The following OSBPL3 variants were observed in gnomAD, a reference collection of about 807,000 sequenced individuals.
The protein encoded by OSBPL3 is oxysterol-binding protein-related protein 3.
Under a neutral mutation model 120.1 loss-of-function variants are expected in OSBPL3, and 65 were observed. The observed-to-expected ratio is 0.54, with a 90% CI of 0.44 to 0.67. The LOEUF (loss-of-function observed/expected upper bound fraction) is 0.67. Among genes scored for constraint, OSBPL3 ranks in the 30% least tolerant of loss-of-function variants. The pLI, the probability that OSBPL3 is intolerant of heterozygous loss-of-function variation, is 0.00. For synonymous variants in OSBPL3, 416 were observed against 402.6 expected (o/e 1.03, Z -0.40); for missense variants, 1,004 against 1,082.1 (o/e 0.93, Z 1.01).
intron 12 of OSBPL3, among the ~76,000 whole-genome samples, chr7:24,846,940 G>A (rs559332590): frequency 9.2e-5 from 14 of 152,134 alleles, no homozygotes; most frequent in African/African-American, 2.9e-4. Flanking sequence ...GCAGGCGCCT[G>A]TAGCCCCAGC....
intron 1 of OSBPL3, among the ~76,000 whole-genome samples, chr7:24,941,242 C>A (rs1438111300): frequency 5.3e-5 from 8 of 152,174 alleles, no homozygotes; most frequent in Non-Finnish European, 2.9e-5. Flanking sequence ...TTCCAGTCTA[C>A]TATCAGATAA....
intron 1 of OSBPL3, among the ~76,000 whole-genome samples, chr7:24,924,148 C>T (rs1027799222): frequency 3.9e-5 from 6 of 152,096 alleles, no homozygotes; most frequent in Non-Finnish European, 5.9e-5. Flanking sequence ...GACCAAAATA[C>T]GTTTACTTCA....
At chr7:24,864,902 G>A (rs1381725173) in intron 7 of OSBPL3, among the ~76,000 whole-genome samples, 1 of 152,118 alleles carries the variant, frequency 6.6e-6, no homozygotes, top group Non-Finnish European at 1.5e-5. Flanking sequence ...CAGAGGACTG[G>A]GAATGGGTAT....
chr7:24,886,597 C>T (rs1021694667), intron 2 of OSBPL3, among the ~76,000 whole-genome samples: 1 of 152,066 alleles, frequency 6.6e-6, no homozygotes, highest in Non-Finnish European at 1.5e-5. Flanking sequence ...TTCAGTCCGA[C>T]GATTTGTATC....
Position 24,862,107 on chromosome 7 carries a change from C to T in OSBPL3, c.871-338G>A, listed in dbSNP as rs986864030. On this transcript the variant is annotated intron_variant, in intron 9 of 22. Transcript: ENST00000313367. This position sits in a 1 kb window ranked among gnomAD's most constrained non-coding sequence, Gnocchi z 4.4. ...TTCACCGTGTTAGCCAGGATGGTCT[C>T]GATCTCCTGACCTTGTGTTCTGCCC... 2.0e-5 allele frequency among the ~76,000 whole-genome samples: 3 copies of T among 152,132 alleles called. No individual in the cohort carries two copies. The highest frequency in any genetic ancestry group is 1.5e-5 in the Non-Finnish European group (1 of 68,006).
At position 24,802,350 on chromosome 7, in the gene OSBPL3, C is replaced by G. The variant is rs993816524; in HGVS notation, c.2567+1965G>C. Among the ~76,000 whole-genome samples the G allele has an allele frequency of 6.6e-6, 1 of 152,298 alleles. No homozygotes were observed. Among genetic ancestry groups the G allele is most frequent in the East Asian group, 1.9e-4 (1 of 5,180 alleles). On this transcript the variant is annotated intron_variant, in intron 22 of 22. Coordinates refer to ENST00000313367, the MANE Select transcript of OSBPL3 (RefSeq NM_015550.4). This position sits in a 1 kb window ranked among gnomAD's most constrained non-coding sequence, Gnocchi z 4.1. ...TTGCCAGGTTTCTAATTTGAACAGT[C>G]CCAAGGAGGACTGCTACTGCTGAAC...
chr7:24,818,697 C>G lies in OSBPL3; in HGVS notation c.1948+1478G>C, dbSNP rs913629097. Among the ~76,000 whole-genome samples, 1 of 152,136 alleles carries G rather than the reference C, an allele frequency of 6.6e-6. No individual in the cohort carries two copies. Among genetic ancestry groups the G allele is most frequent in the African/African-American group, 2.4e-5 (1 of 41,440 alleles). ...GATGTGACAAACAGAAAAGAAACAT[C>G]ATGAGGGCAGATTTAAGCCCAGCTA... On this transcript the variant is annotated intron_variant, in intron 17 of 22. Transcript: ENST00000313367. This position sits in a 1 kb window ranked among gnomAD's most constrained non-coding sequence, Gnocchi z 4.0.
chr7:24,814,802 G>T (rs1375356091), intron 19 of OSBPL3, among the ~76,000 whole-genome samples: 1 of 152,192 alleles, frequency 6.6e-6, no homozygotes, highest in African/African-American at 2.4e-5. Context: ...CATACATACT[G>T]CAGCACAGTG....
rs910083951 is a variant in OSBPL3, at chr7:24,830,713, T to A, written c.1884+55A>T. On this transcript the variant is annotated intron_variant, in intron 16 of 22. Coordinates refer to ENST00000313367, the MANE Select transcript of OSBPL3 (RefSeq NM_015550.4). The surrounding 1 kb of genome is among the most constrained non-coding windows in gnomAD (Gnocchi z 4.4). The stretch of plus-strand genomic sequence containing the variant: ...GAAGATAAATATTTCAGAAGCACAT[T>A]TAATGGGAGACATAAGCAACCCCTC... 6 of 1,525,136 alleles carry A rather than the reference T, an allele frequency of 3.9e-6. No homozygotes were observed. The Admixed American group carries it at 8.3e-5, about 21-fold the overall frequency. 94.5% of individuals were successfully genotyped at this position (1,525,136 alleles called of 1,614,324 possible).
In OSBPL3 at chr7:24,960,966, C is replaced by T. The variant is rs147130200; in HGVS notation, c.-150+18920G>A. On this transcript the variant is annotated intron_variant, in intron 1 of 22. Coordinates refer to ENST00000313367, the MANE Select transcript of OSBPL3 (RefSeq NM_015550.4). ...AATAAGCAGTGAAATTTGCAAAAGGCAGGTAGCAACAAGGAAAACCAGCAA... is the reference window on the plus strand; with the variant it reads ...AATAAGCAGTGAAATTTGCAAAAGGTAGGTAGCAACAAGGAAAACCAGCAA... 1.4e-4 allele frequency among the ~76,000 whole-genome samples: 21 copies of T among 152,240 alleles called. No individual in the cohort carries two copies. In the East Asian group the frequency reaches 3.9e-3, roughly 28 times the overall value.
At chr7:24,970,393 A>T (rs1402031753) in intron 1 of OSBPL3, among the ~76,000 whole-genome samples, 1 of 152,196 alleles carries the variant, frequency 6.6e-6, no homozygotes, top group Non-Finnish European at 1.5e-5. Context: ...GGCGTGAGCC[A>T]TCGCACTCAG....
At chr7:24,927,306 C>T (rs1811183423) in intron 1 of OSBPL3, among the ~76,000 whole-genome samples, 1 of 152,086 alleles carries the variant, frequency 6.6e-6, no homozygotes, top group Non-Finnish European at 1.5e-5. Flanking sequence ...AGCTTGCAGG[C>T]CTTAAAATAT....
In OSBPL3 at chr7:24,980,093, C is replaced by G; in HGVS notation, c.-357G>C. Reference sequence around the variant, plus strand: ...CCGGAGCCGCGCTGCGCACCGGCCGCGAAGCGCTCAAGTCCCCTCTCCCGG... The same window carrying G: ...CCGGAGCCGCGCTGCGCACCGGCCGGGAAGCGCTCAAGTCCCCTCTCCCGG... On this transcript the variant is annotated 5_prime_UTR_variant, in exon 1 of 23. Transcript: ENST00000313367. 6 of 981,840 alleles carry G rather than the reference C, an allele frequency of 6.1e-6. No homozygotes were observed. The highest frequency in any genetic ancestry group is 1.7e-5 in the African/African-American group (1 of 57,262). The allele number at this position is 981,840 out of a possible 1,614,324, so 60.8% of individuals were successfully genotyped here.
intron 14 of OSBPL3, among the ~76,000 whole-genome samples, chr7:24,836,857 C>T (rs1014013997): frequency 3.3e-5 from 5 of 152,010 alleles, no homozygotes; most frequent in African/African-American, 1.2e-4. Flanking sequence ...TTTTTTGAGA[C>T]AGAGTCTTGG....
rs560527221 is a variant in OSBPL3 at position 24,872,549 on chromosome 7, T to C, written c.97-480A>G. ...AACAGTATGAGACAATGCAAATCAG[T>C]AAATATGACAACTTGATTGAAATAA... is the stretch of plus-strand genomic sequence containing the variant. On this transcript the variant is annotated intron_variant, in intron 2 of 22. Coordinates refer to ENST00000313367, the MANE Select transcript of OSBPL3 (RefSeq NM_015550.4). This position sits in a 1 kb window ranked among gnomAD's most constrained non-coding sequence, Gnocchi z 4.1. Among the ~76,000 whole-genome samples the C allele has an allele frequency of 6.6e-5, 10 of 151,698 alleles. No individual in the cohort carries two copies. The highest frequency in any genetic ancestry group is 1.3e-4 in the Non-Finnish European group (9 of 67,932).
In OSBPL3 at chr7:24,852,912, G is replaced by T. The variant is rs35124258; in HGVS notation, c.1028-278C>A. On this transcript the variant is annotated intron_variant, in intron 10 of 22. Coordinates refer to ENST00000313367, the MANE Select transcript of OSBPL3 (RefSeq NM_015550.4). The surrounding 1 kb of genome is among the most constrained non-coding windows in gnomAD (Gnocchi z 4.1). Reference sequence around the variant, plus strand: ...TGTGGGATGCTGATGGCGGGGGGACGGTGCCTACATGGGAGCAGGGGGCTT... The same window carrying T: ...TGTGGGATGCTGATGGCGGGGGGACTGTGCCTACATGGGAGCAGGGGGCTT... Among the ~76,000 whole-genome samples, 4 of 151,852 alleles carry T rather than the reference G, an allele frequency of 2.6e-5. No homozygotes were observed. The highest frequency in any genetic ancestry group is 5.9e-5 in the Non-Finnish European group (4 of 67,964).
chr7:24,867,021 C>T lies in OSBPL3; in HGVS notation c.382-784G>A, dbSNP rs972688122. On this transcript the variant is annotated intron_variant, in intron 5 of 22. Transcript: ENST00000313367. The surrounding 1 kb of genome is among the most constrained non-coding windows in gnomAD (Gnocchi z 4.5). ...TTCACCATGTTGGCCAGGCTGGTCT[C>T]GAACTCCTGACCTGGTGATCTGCCC... Among the ~76,000 whole-genome samples the T allele has an allele frequency of 2.0e-4, 30 of 152,128 alleles. 1 individual carries two copies. Among genetic ancestry groups the T allele is most frequent in the Non-Finnish European group, 5.9e-5 (4 of 68,004 alleles).
intron 14 of OSBPL3, among the ~76,000 whole-genome samples, chr7:24,839,241 G>C (rs752823570): frequency 2.6e-5 from 4 of 152,164 alleles, no homozygotes; most frequent in Admixed American, 1.3e-4. Context: ...CTCCAAGGCA[G>C]ACTGAGTACC....
In OSBPL3 at chr7:24,877,883, C is replaced by T. The variant is rs1803065661; in HGVS notation, c.97-5814G>A. Among the ~76,000 whole-genome samples the T allele has an allele frequency of 6.6e-6, 1 of 152,162 alleles. No homozygotes were observed. The highest frequency in any genetic ancestry group is 1.5e-5 in the Non-Finnish European group (1 of 68,034). On this transcript the variant is annotated intron_variant, in intron 2 of 22. Coordinates refer to ENST00000313367, the MANE Select transcript of OSBPL3 (RefSeq NM_015550.4). The surrounding 1 kb of genome is among the most constrained non-coding windows in gnomAD (Gnocchi z 4.8). Reference sequence around the variant, plus strand: ...GCCCTGCTGACTTAGCCCAACACGGCTGCACTGATGTCTCATCCTGTGGGG... The same window carrying T: ...GCCCTGCTGACTTAGCCCAACACGGTTGCACTGATGTCTCATCCTGTGGGG...
Sources: gnomAD v4.1 joint callset for allele counts (sites outside exome capture counted in the v4.1 genomes callset) on GRCh38, gnomAD v4.1.1 for gene constraint, Gnocchi (gnomAD v3.1) non-coding constraint, MANE v1.5 for transcripts, NCBI Gene and HGNC (gene_info 2026-07-23, HGNC 2026-07-21) for gene names.